The following ST8SIA4 variants were observed in gnomAD, a reference collection of about 807,000 sequenced individuals.
ST8SIA4 encodes ST8 alpha-N-acetyl-neuraminide alpha-2,8-sialyltransferase 4, also known as CMP-N-acetylneuraminate-poly-alpha-2,8-sialyltransferase.
A neutral mutation model predicts 33.9 loss-of-function variants in ST8SIA4; 15 were observed. That is an observed-to-expected ratio of 0.44 (90% CI 0.30 to 0.68). The LOEUF is 0.68. Ranked by LOEUF, ST8SIA4 falls within the 30% of genes least tolerant of loss-of-function variation. The probability of loss-of-function intolerance (pLI) is 0.10; values close to 1 mark genes in which losing one functional copy is unlikely to be tolerated. For synonymous variants in ST8SIA4, 171 were observed against 151.2 expected, an observed-to-expected ratio of 1.13 and a Z score of -0.96; for missense variants, 321 against 428.0, an observed-to-expected ratio of 0.75 and a Z score of 2.21.
rs1312837403 is a variant in ST8SIA4 at position 100,895,705 on chromosome 5, T to C, written c.194A>G (p.Gln65Arg). ...IIRKAGSSIF[Q>R]HNVEGWKINS... ...GATTTTCCAACCTTCTACATTGTGC[T>C]GGAAGATTGAAGAGCCAGCCTTTCG... Residue 65 changes from glutamine to arginine, a missense_variant, in exon 2 of 5, where the codon CAG becomes CGG. Gln to Arg is a conservative substitution (Grantham distance 43). Coordinates refer to ENST00000231461, the MANE Select transcript of ST8SIA4 (RefSeq NM_005668.6). 6.2e-7 allele frequency: 1 copy of C among 1,612,862 alleles called. No individual in the cohort carries two copies. Among genetic ancestry groups the C allele is most frequent in the Non-Finnish European group, 8.5e-7 (1 of 1,179,186 alleles).
At chr5:100,818,638 C>T (rs1273425096) in intron 4 of ST8SIA4, among the ~76,000 whole-genome samples, 3 of 151,754 alleles carry the variant, frequency 2.0e-5, no homozygotes, top group African/African-American at 7.3e-5. Context: ...ATTTTTTTTT[C>T]TATGTGCCCT....
intron 4 of ST8SIA4, among the ~76,000 whole-genome samples, chr5:100,855,416 CA>C (rs1291714906): frequency 6.6e-6 from 1 of 152,180 alleles, no homozygotes; most frequent in African/African-American, 2.4e-5. Context: ...TTTGAAGCTA[CA>C]GTATCTGACA....
At chr5:100,846,278 T>G (rs1030950594) in intron 4 of ST8SIA4, among the ~76,000 whole-genome samples, 1 of 151,944 alleles carries the variant, frequency 6.6e-6, no homozygotes, top group Non-Finnish European at 1.5e-5. Context: ...TGAATTGCTC[T>G]AGAGAACTAA....
chr5:100,810,283 T>C lies in ST8SIA4; in HGVS notation c.*1564A>G, dbSNP rs1750788645. The C allele has an allele frequency of 6.6e-6, 1 of 152,222 alleles. No homozygotes were observed. The highest frequency in any genetic ancestry group is 2.4e-5 in the African/African-American group (1 of 41,464). The allele number at this position is 152,222 out of a possible 1,614,324, so 9.4% of individuals were successfully genotyped here. A position where few individuals can be genotyped will look rare whatever the true frequency, so the allele number is the denominator to read the frequency against. ...TGACTAAATTTAACTACAGAAAATA[T>C]CGGTCAATTAAATTCATTTTAAATG... On this transcript the variant is annotated 3_prime_UTR_variant, in exon 5 of 5. Coordinates refer to ENST00000231461, the MANE Select transcript of ST8SIA4 (RefSeq NM_005668.6).
chr5:100,845,665 T>C (rs1341898159), intron 4 of ST8SIA4, among the ~76,000 whole-genome samples: 1 of 151,906 alleles, frequency 6.6e-6, no homozygotes, highest in Non-Finnish European at 1.5e-5. Context: ...AATATAGCAG[T>C]ATAGCGCTTT....
rs774524439 is a variant in ST8SIA4, at chr5:100,841,493, T to G, written c.797+14610A>C. ...CCATTTACATAGGGCATACACCAAG[T>G]AACCAATGGAAACCTCTAGAGGGTA... On this transcript the variant is annotated intron_variant, in intron 4 of 4. Transcript: ENST00000231461. Among the ~76,000 whole-genome samples the G allele has an allele frequency of 1.2e-3, 175 of 151,966 alleles. 1 individual carries two copies. Among genetic ancestry groups the G allele is most frequent in the Non-Finnish European group, 1.5e-3 (101 of 67,852 alleles).
intron 3 of ST8SIA4, among the ~76,000 whole-genome samples, chr5:100,861,330 G>A (rs913334863): frequency 1.3e-5 from 2 of 151,998 alleles, no homozygotes; most frequent in African/African-American, 2.4e-5. Context: ...ACCCAGGTTC[G>A]TTAACATTAC....
At chr5:100,897,221 C>A (rs1752797586) in intron 1 of ST8SIA4, among the ~76,000 whole-genome samples, 1 of 151,942 alleles carries the variant, frequency 6.6e-6, no homozygotes, top group Non-Finnish European at 1.5e-5. Flanking sequence ...TCCCTGCAAC[C>A]AATAGTGTCA....
At chr5:100,871,953 T>G (rs1364667024) in intron 3 of ST8SIA4, among the ~76,000 whole-genome samples, 1 of 152,072 alleles carries the variant, frequency 6.6e-6, no homozygotes, top group East Asian at 1.9e-4. Context: ...TGTATCACTC[T>G]TCTTAGTTCT....
At chr5:100,819,365 G>T (rs1159602751) in intron 4 of ST8SIA4, among the ~76,000 whole-genome samples, 2 of 152,198 alleles carry the variant, frequency 1.3e-5, no homozygotes, top group Non-Finnish European at 2.9e-5. Flanking sequence ...ATTTGGGAAG[G>T]TTAGTCAAAT....
chr5:100,855,844 A>T, intron 4 of ST8SIA4, among the ~76,000 whole-genome samples: 1 of 152,364 alleles, frequency 6.6e-6, no homozygotes, highest in East Asian at 1.9e-4. Flanking sequence ...GTGCAAAAAT[A>T]TAAAAATTAG....
At chr5:100,825,817 G>A (rs910981057) in intron 4 of ST8SIA4, among the ~76,000 whole-genome samples, 1 of 152,148 alleles carries the variant, frequency 6.6e-6, no homozygotes, top group Non-Finnish European at 1.5e-5. Flanking sequence ...TACCTAACCT[G>A]TAGCTTGTAG....
At chr5:100,900,514 C>G in intron 1 of ST8SIA4, 2 of 456,178 alleles carry the variant, frequency 4.4e-6, no homozygotes, top group Non-Finnish European at 8.8e-6. Context: ...AGCTTTTCCA[C>G]GAACCTTTCA....
intron 4 of ST8SIA4, among the ~76,000 whole-genome samples, chr5:100,821,314 T>C (rs964589339): frequency 2.0e-5 from 3 of 152,114 alleles, no homozygotes; most frequent in Non-Finnish European, 2.9e-5. Context: ...ATGGGTTAGA[T>C]AGGGAAGACG....
intron 4 of ST8SIA4, among the ~76,000 whole-genome samples, chr5:100,851,644 A>G (rs1027573552): frequency 6.6e-6 from 1 of 152,036 alleles, no homozygotes; most frequent in Non-Finnish European, 1.5e-5. Context: ...ATAAAACATA[A>G]TTTTAAAATA....
intron 4 of ST8SIA4, among the ~76,000 whole-genome samples, chr5:100,855,856 A>T (rs1751803417): frequency 6.6e-6 from 1 of 152,224 alleles, no homozygotes; most frequent in Non-Finnish European, 1.5e-5. Flanking sequence ...AAAAATTAGT[A>T]GTTTGTTCAT....
chr5:100,837,183 G>A (rs900447655), intron 4 of ST8SIA4, among the ~76,000 whole-genome samples: 1 of 151,968 alleles, frequency 6.6e-6, no homozygotes, highest in Non-Finnish European at 1.5e-5. Context: ...CTCAATAGGA[G>A]GATGAAGAAT....
At chr5:100,876,084 T>C (rs761407817) in intron 3 of ST8SIA4, among the ~76,000 whole-genome samples, 10 of 152,116 alleles carry the variant, frequency 6.6e-5, no homozygotes, top group Non-Finnish European at 1.3e-4. Context: ...CCTAAAACTA[T>C]ACTCCTCTGT....
chr5:100,812,016 G>A lies in ST8SIA4; in HGVS notation c.911C>T (p.Pro304Leu). ...EIHLYGFWPF[P>L]KDLNGKAVKY... is the part of the protein sequence containing the mutation. ...GACCGCTTTTCCATTTAAATCCTTA[G>A]GGAAGGGCCAGAATCCATACAGGTG... is the stretch of plus-strand genomic sequence containing the variant. Residue 304 changes from proline to leucine, a missense_variant, in exon 5 of 5, where the codon CCT becomes CTT. Pro to Leu is a moderately conservative substitution (Grantham distance 98). Coordinates refer to ENST00000231461, the MANE Select transcript of ST8SIA4 (RefSeq NM_005668.6). 1 of 1,614,092 alleles carries A rather than the reference G, an allele frequency of 6.2e-7. No individual in the cohort carries two copies. Among genetic ancestry groups the A allele is most frequent in the Non-Finnish European group, 8.5e-7 (1 of 1,179,992 alleles).
Sources: gnomAD v4.1 joint callset for allele counts (sites outside exome capture counted in the v4.1 genomes callset) on GRCh38, gnomAD v4.1.1 for gene constraint, MANE v1.5 for transcripts, NCBI Gene and HGNC (gene_info 2026-07-23, HGNC 2026-07-21) for gene names.